Variants in PPP1R16B observed in about 807,000 individuals in gnomAD.
PPP1R16B encodes protein phosphatase 1 regulatory inhibitor subunit 16B.
A neutral mutation model predicts 61.7 loss-of-function variants in PPP1R16B; 14 were observed. The observed-to-expected ratio is 0.23, with a 90% confidence interval of 0.15 to 0.35. PPP1R16B has a LOEUF of 0.35. Among genes scored for constraint, PPP1R16B ranks in the 10% least tolerant of loss-of-function variants. The pLI, the probability that PPP1R16B is intolerant of heterozygous loss-of-function variation, is 1.00. For missense variants in PPP1R16B, 547 were observed against 752.5 expected (o/e 0.73, Z 3.19); for synonymous variants, 266 against 305.3 (o/e 0.87, Z 1.34).
chr20:38,846,769 C>T (rs565922696), intron 2 of PPP1R16B, among the ~76,000 whole-genome samples: 1 of 152,158 alleles, frequency 6.6e-6, no homozygotes, highest in Admixed American at 6.5e-5. Context: ...TTTGAGAGGC[C>T]AAGGCGGGAA....
chr20:38,868,879 AC>A (rs1402403516), intron 2 of PPP1R16B, among the ~76,000 whole-genome samples: 1 of 152,234 alleles, frequency 6.6e-6, no homozygotes, highest in Admixed American at 6.5e-5. Context: ...AATATTTTGG[AC>A]ATATGGATTA....
Position 38,907,252 on chromosome 20 carries a change from T to C in PPP1R16B, c.898+198T>C, listed in dbSNP as rs2085451136. On this transcript the variant is annotated intron_variant, in intron 8 of 10. Coordinates refer to ENST00000299824, the MANE Select transcript of PPP1R16B (RefSeq NM_015568.4). The surrounding 1 kb of genome is among the most constrained non-coding windows in gnomAD (Gnocchi z 4.5). ...ATAGATGGATAAATGGATGAATGGA[T>C]GGTTGAGGTGGTAGATGGGTAGATA... Among the ~76,000 whole-genome samples the C allele has an allele frequency of 6.6e-6, 1 of 151,916 alleles. No homozygotes were observed. Among genetic ancestry groups the C allele is most frequent in the Non-Finnish European group, 1.5e-5 (1 of 67,978 alleles).
At chr20:38,900,448 T>C in intron 4 of PPP1R16B, 133 bp from the exon 5 acceptor site, 1 of 619,208 alleles carries the variant, frequency 1.6e-6, no homozygotes, top group Non-Finnish European at 2.8e-6. Context: ...ATCATCTTGC[T>C]GGGGTACACC....
intron 2 of PPP1R16B, among the ~76,000 whole-genome samples, chr20:38,855,941 T>TAGAG (rs1371645291): frequency 5.5e-4 from 14 of 25,364 alleles, no homozygotes; most frequent in East Asian, 1.6e-3. Context: ...TATATATATA[T>TAGAG]ATAGAGAGAG....
chr20:38,911,697 C>T (rs773914183), intron 10 of PPP1R16B, among the ~76,000 whole-genome samples: 7 of 151,760 alleles, frequency 4.6e-5, no homozygotes, highest in Non-Finnish European at 1.0e-4. Context: ...CCACCACGCC[C>T]GGCTAATTTT....
At chr20:38,856,262 G>A (rs2085008279) in intron 2 of PPP1R16B, among the ~76,000 whole-genome samples, 1 of 152,022 alleles carries the variant, frequency 6.6e-6, no homozygotes, top group South Asian at 2.1e-4. Flanking sequence ...TGAAGGCCAG[G>A]CACAAAGTGG....
At chr20:38,827,566 C>A (rs1158748173) in intron 1 of PPP1R16B, among the ~76,000 whole-genome samples, 1 of 152,118 alleles carries the variant, frequency 6.6e-6, no homozygotes, top group East Asian at 1.9e-4. Context: ...ACGGAGTTGA[C>A]CTGTGGGGAT....
intron 10 of PPP1R16B, among the ~76,000 whole-genome samples, chr20:38,909,367 CTTAAT>C (rs1464465678): frequency 7.2e-5 from 11 of 152,312 alleles, no homozygotes; most frequent in Middle Eastern, 3.4e-3. Flanking sequence ...ATGACCTAAT[CTTAAT>C]TTAATTTATT....
intron 1 of PPP1R16B, among the ~76,000 whole-genome samples, chr20:38,817,845 C>G (rs980636248): frequency 6.6e-6 from 1 of 152,112 alleles, no homozygotes; most frequent in Middle Eastern, 3.2e-3. Flanking sequence ...GAGATCGAGA[C>G]CATCCTGGCT....
chr20:38,880,825 A>T (rs1362585056), intron 2 of PPP1R16B, among the ~76,000 whole-genome samples: 3 of 152,360 alleles, frequency 2.0e-5, no homozygotes, highest in Admixed American at 1.3e-4. Flanking sequence ...TCTTAAATAT[A>T]TACCTAGGAG....
intron 1 of PPP1R16B, among the ~76,000 whole-genome samples, chr20:38,817,939 G>T (rs947577886): frequency 6.6e-6 from 1 of 152,240 alleles, no homozygotes; most frequent in Non-Finnish European, 1.5e-5. Flanking sequence ...AGCTGCTCGG[G>T]AGGCTGAGGC....
chr20:38,821,361 C>T (rs1045671492), intron 1 of PPP1R16B, among the ~76,000 whole-genome samples: 1 of 152,182 alleles, frequency 6.6e-6, no homozygotes, highest in Non-Finnish European at 1.5e-5. Flanking sequence ...GAGCAAATGG[C>T]TCCACCAGAA....
At chr20:38,849,117 G>C (rs1421816287) in intron 2 of PPP1R16B, among the ~76,000 whole-genome samples, 2 of 152,046 alleles carry the variant, frequency 1.3e-5, no homozygotes, top group Non-Finnish European at 2.9e-5. Flanking sequence ...TTGTTTGTTT[G>C]TTTTTGTTGT....
chr20:38,807,422 A>AT (rs1338017825), intron 1 of PPP1R16B, among the ~76,000 whole-genome samples: 11 of 152,216 alleles, frequency 7.2e-5, no homozygotes, highest in African/African-American at 2.6e-4. Context: ...CGCCCTCGGG[A>AT]TTGGCTTTGA....
intron 1 of PPP1R16B, among the ~76,000 whole-genome samples, chr20:38,815,511 C>T (rs1227108080): frequency 1.3e-5 from 2 of 152,180 alleles, no homozygotes; most frequent in Non-Finnish European, 2.9e-5. Flanking sequence ...GTATACTCTA[C>T]ATACTGATGA....
intron 2 of PPP1R16B, among the ~76,000 whole-genome samples, chr20:38,884,670 G>T (rs2085229491): frequency 6.6e-6 from 1 of 152,326 alleles, no homozygotes; most frequent in South Asian, 2.1e-4. Context: ...ACGTGGTTGT[G>T]CGTGCGCCTG....
intron 2 of PPP1R16B, among the ~76,000 whole-genome samples, chr20:38,839,619 G>A (rs866990057): frequency 6.6e-6 from 1 of 151,944 alleles, no homozygotes; most frequent in African/African-American, 2.4e-5. Context: ...GAAATATAGA[G>A]CCAGGTTTCT....
At chr20:38,858,286 C>G (rs1192107619) in intron 2 of PPP1R16B, among the ~76,000 whole-genome samples, 1 of 152,110 alleles carries the variant, frequency 6.6e-6, no homozygotes, top group Non-Finnish European at 1.5e-5. Context: ...CAGCTGTCTT[C>G]TCTGATGTCC....
intron 2 of PPP1R16B, among the ~76,000 whole-genome samples, chr20:38,871,793 A>G (rs1332168972): frequency 6.6e-6 from 1 of 152,168 alleles, no homozygotes; most frequent in Non-Finnish European, 1.5e-5. Context: ...AGGTGTGCCC[A>G]TGGTAATGTA....
Sources: allele counts gnomAD v4.1 joint callset (sites outside exome capture counted in the v4.1 genomes callset), GRCh38; gene constraint gnomAD v4.1.1; non-coding constraint Gnocchi (gnomAD v3.1); transcripts MANE v1.5; gene names NCBI Gene and HGNC (gene_info 2026-07-23, HGNC 2026-07-21).